The following COL18A1 variants were observed in gnomAD, a reference collection of about 807,000 sequenced individuals.
The protein encoded by COL18A1 is collagen alpha-1(XVIII) chain.
COL18A1 carries 133 observed loss-of-function variants against 168.0 expected under a neutral mutation model. The observed-to-expected ratio is 0.79, with a 90% confidence interval of 0.69 to 0.91. The LOEUF (loss-of-function observed/expected upper bound fraction) is 0.91, where lower values mean the gene tolerates loss of function less well. Ranked by LOEUF, COL18A1 falls within the 40% of genes least tolerant of loss-of-function variation. COL18A1 has a pLI of 0.00. For missense variants in COL18A1, 2,126 were observed against 1,925.4 expected (o/e 1.10, Z -1.95); for synonymous variants, 949 against 809.0 (o/e 1.17, Z -2.94).
In COL18A1 at chr21:45,475,489, C is replaced by A; in HGVS notation, c.752C>A (p.Ser251Tyr). 6.2e-7 allele frequency: 1 copy of A among 1,605,344 alleles called. No homozygotes were observed. ...CAAACTCCTCAGGCATCCGGAGACT[C>A]TGGCAGCGGGCTCGGGGACGCCCGG... ...GDDSDGASGD[S>Y]GSGLGDAREL... The change falls in exon 5 of 42, where the codon TCT becomes TAT. Residue 251 changes from serine (S) to tyrosine (Y), a missense_variant. Transcript: ENST00000651438.
At chr21:45,426,466 C>T (rs569852497) in intron 2 of COL18A1, among the ~76,000 whole-genome samples, 86 of 152,278 alleles carry the variant, frequency 5.6e-4, no homozygotes, top group South Asian at 6.2e-4. Flanking sequence ...CTTGCTCTCC[C>T]GGGCGGGCGT....
At chr21:45,464,222 C>G (rs545906795) in intron 2 of COL18A1, among the ~76,000 whole-genome samples, 7 of 152,314 alleles carry the variant, frequency 4.6e-5, no homozygotes, top group African/African-American at 1.7e-4. Flanking sequence ...TCGGTGGGAG[C>G]TCCAAAGCCT....
At chr21:45,468,934 C>T (rs2035314778) in intron 3 of COL18A1, 148 bp downstream of exon 3, 2 of 865,952 alleles carry the variant, frequency 2.3e-6, no homozygotes, top group Admixed American at 2.9e-5. Flanking sequence ...GCGCAGGCCT[C>T]CTGGGTTCTT....
At chr21:45,448,896 G>T (rs953705698) in intron 2 of COL18A1, among the ~76,000 whole-genome samples, 8 of 152,282 alleles carry the variant, frequency 5.3e-5, no homozygotes, top group African/African-American at 1.9e-4. Context: ...TCCTAACGTG[G>T]CAGTCCAGCT....
chr21:45,492,695 G>A lies in COL18A1; in HGVS notation c.2196G>A (p.Pro732=), dbSNP rs115470104. ...CGTCCCTCTTTCCCCAGGGCCGGCC[G>A]GGTTTCGCAGGCTTTCCCGTGAGTA... ...VLSVPGPEGR[P]GFAGFPGPAG... is the part of the protein sequence containing the mutation. Residue 732 remains proline (P), a synonymous_variant, in exon 24 of 42, where the codon CCG becomes CCA. Transcript: ENST00000651438. The A allele has an allele frequency of 1.6e-3, 2,573 of 1,610,176 alleles. 34 individuals are homozygous for A. The African/African-American group carries it at 0.03, about 18-fold the overall frequency.
Position 45,480,157 on chromosome 21 carries a change from G to A in COL18A1, c.1398+1G>A, listed in dbSNP as rs1256365911. 3 of 1,553,364 alleles carry A rather than the reference G, an allele frequency of 1.9e-6. No homozygotes were observed. Among genetic ancestry groups the A allele is most frequent in the African/African-American group, 1.4e-5 (1 of 73,518 alleles). Reference sequence around the variant, plus strand: ...ACCCTCCTTCAGACACGACAAGCTGGTAAGTCCCGCCCTTGGCTTCCTGCG... The same window carrying A: ...ACCCTCCTTCAGACACGACAAGCTGATAAGTCCCGCCCTTGGCTTCCTGCG... On this transcript the variant is annotated splice_donor_variant, in intron 11 of 41. Coordinates refer to ENST00000651438, the MANE Select transcript of COL18A1 (RefSeq NM_001379500.1). LOFTEE classifies it high-confidence loss of function.
chr21:45,497,538 G>A, intron 31 of COL18A1, 61 bp from the exon 32 acceptor site: 1 of 1,547,392 alleles, frequency 6.5e-7, no homozygotes, highest in Non-Finnish European at 8.7e-7. Context: ...GGCAGGAGGG[G>A]CACCACCCTG....
chr21:45,430,849 C>T (rs1384153603), intron 2 of COL18A1, among the ~76,000 whole-genome samples: 2 of 152,182 alleles, frequency 1.3e-5, no homozygotes, highest in East Asian at 3.9e-4. Flanking sequence ...CTCTGCCGGC[C>T]GTGGTCACCC....
rs753055018 is a variant in COL18A1, at chr21:45,456,063, C to T, written c.107-12179C>T. The stretch of plus-strand genomic sequence containing the variant: ...CCCAGCCGTGGCATTCCTAGCTCTC[C>T]GGGCGCCCACACAACCGAGGCTGGC... On this transcript the variant is annotated intron_variant, in intron 2 of 41. Transcript: ENST00000651438. The T allele has an allele frequency of 7.7e-5, 123 of 1,605,204 alleles. No homozygotes were observed. The highest frequency in any genetic ancestry group is 1.7e-4 in the Middle Eastern group (1 of 6,030).
chr21:45,477,510 C>G (rs1296401524), intron 7 of COL18A1, 23 bp downstream of exon 7: 6 of 1,575,542 alleles, frequency 3.8e-6, no homozygotes, highest in Non-Finnish European at 5.2e-6. Flanking sequence ...CCCTGTGCTC[C>G]TGAACCATTC....
intron 2 of COL18A1, among the ~76,000 whole-genome samples, chr21:45,415,446 A>G (rs4819101): frequency 0.72 from 108,880 of 152,140 alleles, 39,105 homozygotes; most frequent in East Asian, 0.86. Context: ...CTGGACACCC[A>G]GGGCTCAGAG....
At chr21:45,467,136 C>T (rs1404430598) in intron 2 of COL18A1, 25 of 707,652 alleles carry the variant, frequency 3.5e-5, no homozygotes, top group Non-Finnish European at 4.2e-5. Context: ...CTGCCTGGCA[C>T]GGCAGGTGTG....
intron 2 of COL18A1, chr21:45,455,520 G>T (rs887924468): frequency 3.1e-6 from 5 of 1,611,766 alleles, no homozygotes; most frequent in South Asian, 2.2e-5. Flanking sequence ...AGCTCCAGCC[G>T]CACTGCCCCG....
At chr21:45,494,440 C>T (rs1384545065) in intron 26 of COL18A1, 105 bp from the exon 27 acceptor site, 2 of 1,535,872 alleles carry the variant, frequency 1.3e-6, no homozygotes, top group Admixed American at 1.7e-5. Context: ...TCAGGTGGGG[C>T]ACAAGCCGCC....
chr21:45,456,875 G>A, intron 2 of COL18A1: 1 of 1,443,262 alleles, frequency 6.9e-7, no homozygotes, highest in Non-Finnish European at 9.1e-7. Flanking sequence ...CATTGGGCCG[G>A]CTGCAGGTAA....
chr21:45,511,090 T>TACACATAC, intron 40 of COL18A1, 21 bp from the exon 41 acceptor site: 7 of 1,171,656 alleles, frequency 6.0e-6, no homozygotes, highest in Non-Finnish European at 8.5e-6. Flanking sequence ...CACACACACA[T>TACACATAC]ACACACGGTT....
chr21:45,491,239 G>A lies in COL18A1; in HGVS notation c.2082G>A (p.Lys694=). 2 of 1,612,234 alleles carry A rather than the reference G, an allele frequency of 1.2e-6. No individual in the cohort carries two copies. Among genetic ancestry groups the A allele is most frequent in the South Asian group, 2.2e-5 (2 of 91,076 alleles). The part of the protein sequence containing the change: ...GSRGEKGDPG[K]DGVGQPGLPG... ...TCCTCTTCCAGGGAGATCCAGGGAAGGACGGAGTCGGGCAGCCGGGCCTCC... is the reference window on the plus strand; with the variant it reads ...TCCTCTTCCAGGGAGATCCAGGGAAAGACGGAGTCGGGCAGCCGGGCCTCC... Residue 694 remains lysine (K), a synonymous_variant, in exon 22 of 42, where the codon AAG becomes AAA. Coordinates refer to ENST00000651438, the MANE Select transcript of COL18A1 (RefSeq NM_001379500.1).
chr21:45,496,195 C>A (rs2036538208), intron 29 of COL18A1: 1 of 574,334 alleles, frequency 1.7e-6, no homozygotes, highest in Non-Finnish European at 3.3e-6. Flanking sequence ...AGCTTTGTCT[C>A]CCTGATGTCA....
rs116800016 is a variant in COL18A1, at chr21:45,457,482, G to A, written c.107-10760G>A. ...CAGCCTCCCTGCCACAGTGGGGGCC[G>A]CTTCTGGGCCCAGGGGACGTTGCCC... On this transcript the variant is annotated intron_variant, in intron 2 of 41. Transcript: ENST00000651438. This position sits in a 1 kb window ranked among gnomAD's most constrained non-coding sequence, Gnocchi z 4.6. 0.032 allele frequency among the ~76,000 whole-genome samples: 4,911 copies of A among 152,226 alleles called. 244 individuals are homozygous for A. The highest frequency in any genetic ancestry group is 0.1 in the African/African-American group (4,213 of 41,520).
Sources: gnomAD v4.1 joint callset for allele counts (sites outside exome capture counted in the v4.1 genomes callset) on GRCh38, gnomAD v4.1.1 for gene constraint, Gnocchi (gnomAD v3.1) non-coding constraint, MANE v1.5 for transcripts, NCBI Gene and HGNC (gene_info 2026-07-23, HGNC 2026-07-21) for gene names.